The following TAMM41 variants were observed in gnomAD, a reference collection of about 807,000 sequenced individuals.
The protein encoded by TAMM41 is phosphatidate cytidylyltransferase, mitochondrial.
TAMM41 carries 36 observed loss-of-function variants against 44.1 expected under a neutral mutation model. The observed-to-expected ratio is 0.82, with a 90% confidence interval of 0.63 to 1.08. TAMM41 has a LOEUF of 1.08. Among genes scored for constraint, TAMM41 ranks in the 50% least tolerant of loss-of-function variants. The probability of loss-of-function intolerance (pLI) is 0.00; values close to 1 mark genes in which losing one functional copy is unlikely to be tolerated. For missense variants in TAMM41, 417 were observed against 404.3 expected (o/e 1.03, Z -0.27); for synonymous variants, 164 against 153.1 (o/e 1.07, Z -0.53).
intron 1 of TAMM41, among the ~76,000 whole-genome samples, chr3:11,845,742 G>T (rs967799371): frequency 2.0e-5 from 3 of 152,162 alleles, no homozygotes; most frequent in Non-Finnish European, 4.4e-5. Context: ...ACAGACTACA[G>T]TCAGGTATCC....
At chr3:11,815,929 T>C (rs973345500) in intron 5 of TAMM41, among the ~76,000 whole-genome samples, 15 of 152,236 alleles carry the variant, frequency 9.9e-5, no homozygotes, top group African/African-American at 3.4e-4. Context: ...CTTTTTGTTA[T>C]AAACTTGAGG....
the TAMM41 span, among the ~76,000 whole-genome samples, chr3:11,729,718 C>T: frequency 6.6e-6 from 1 of 151,654 alleles, no homozygotes; most frequent in East Asian, 1.9e-4. Context: ...TGCCACCACA[C>T]CCGGCTAATT....
At chr3:11,794,414 A>C (rs2077557840) in intron 7 of TAMM41, among the ~76,000 whole-genome samples, 1 of 152,094 alleles carries the variant, frequency 6.6e-6, no homozygotes, top group Non-Finnish European at 1.5e-5. Context: ...CTAGGATTAC[A>C]GGTGTGAGCC....
At chr3:11,785,903 G>A (rs1679542747), downstream of TAMM41, among the ~76,000 whole-genome samples, 1 of 152,208 alleles carries the variant, frequency 6.6e-6, no homozygotes, top group Non-Finnish European at 1.5e-5. Flanking sequence ...ACAGGTGTTA[G>A]CCACCGTGCC....
At chr3:11,755,035 G>T in the TAMM41 span, among the ~76,000 whole-genome samples, 1 of 151,972 alleles carries the variant, frequency 6.6e-6, no homozygotes, top group South Asian at 2.1e-4. Context: ...CTTCCTTCTA[G>T]GATTCTGAAC....
the TAMM41 span, among the ~76,000 whole-genome samples, chr3:11,779,488 A>C: frequency 6.6e-6 from 1 of 152,274 alleles, no homozygotes; most frequent in South Asian, 2.1e-4. Context: ...CGAGGATCCA[A>C]GTTCAACATG....
chr3:11,767,866 G>A, the TAMM41 span, among the ~76,000 whole-genome samples: 7 of 150,724 alleles, frequency 4.6e-5, no homozygotes, highest in Middle Eastern at 3.2e-3. Context: ...CTCGTGATCC[G>A]CCCGCCTCGG....
At chr3:11,746,643 TAATTA>T in the TAMM41 span, among the ~76,000 whole-genome samples, 1 of 151,440 alleles carries the variant, frequency 6.6e-6, no homozygotes, top group Non-Finnish European at 1.5e-5. Context: ...TATTTATTAT[TAATTA>T]ATTTATTTAT....
chr3:11,743,436 T>C, the TAMM41 span, among the ~76,000 whole-genome samples: 1 of 151,734 alleles, frequency 6.6e-6, no homozygotes, highest in Non-Finnish European at 1.5e-5. Flanking sequence ...AGGGTTCAAA[T>C]GATTCTTGTG....
At chr3:11,766,524 T>TTTTA in the TAMM41 span, among the ~76,000 whole-genome samples, 1 of 151,884 alleles carries the variant, frequency 6.6e-6, no homozygotes, top group African/African-American at 2.4e-5. Flanking sequence ...ATGTTTTTAT[T>TTTTA]TTTATTTATT....
intron 7 of TAMM41, among the ~76,000 whole-genome samples, chr3:11,793,837 C>T (rs1440659052): frequency 1.3e-5 from 2 of 152,136 alleles, no homozygotes; most frequent in Non-Finnish European, 1.5e-5. Flanking sequence ...ATGAGGGGTA[C>T]TGGGGACTGG....
chr3:11,823,035 T>C (rs1267835533), intron 4 of TAMM41, among the ~76,000 whole-genome samples: 1 of 152,164 alleles, frequency 6.6e-6, no homozygotes, highest in African/African-American at 2.4e-5. Context: ...TTCTCAACAC[T>C]TGTTCTTGCC....
intron 7 of TAMM41, among the ~76,000 whole-genome samples, chr3:11,800,699 G>A (rs1223729477): frequency 3.3e-5 from 5 of 152,140 alleles, no homozygotes. Context: ...GAAAGAGATA[G>A]ATAGCAACAC....
At chr3:11,746,832 C>A in the TAMM41 span, among the ~76,000 whole-genome samples, 3 of 147,140 alleles carry the variant, frequency 2.0e-5, no homozygotes, top group African/African-American at 8.1e-5. Context: ...GACAGGGTCT[C>A]AGTATGTTGC....
At chr3:11,787,136 G>A (rs1303811782), downstream of TAMM41, among the ~76,000 whole-genome samples, 3 of 152,174 alleles carry the variant, frequency 2.0e-5, no homozygotes, top group African/African-American at 7.2e-5. Flanking sequence ...TGGCGGCTGG[G>A]TTGCAAGCCA....
chr3:11,828,021 T>C (rs2078829372), intron 4 of TAMM41, among the ~76,000 whole-genome samples: 2 of 152,150 alleles, frequency 1.3e-5, no homozygotes, highest in East Asian at 1.9e-4. Flanking sequence ...TGCAAAGTTA[T>C]AAATAAAAAT....
At chr3:11,814,302 C>T (rs922903912) in intron 5 of TAMM41, among the ~76,000 whole-genome samples, 24 of 151,942 alleles carry the variant, frequency 1.6e-4, no homozygotes, top group African/African-American at 5.8e-4. Flanking sequence ...AGAAAGAAAA[C>T]AGTGTGAGAG....
chr3:11,740,092 CA>C, the TAMM41 span, among the ~76,000 whole-genome samples: 72 of 151,230 alleles, frequency 4.8e-4, no homozygotes, highest in Non-Finnish European at 6.8e-4. Flanking sequence ...CAAAACAAAA[CA>C]AAAAAAACAC....
At chr3:11,830,008 T>C in intron 3 of TAMM41, 144 bp from the exon 4 acceptor site, 1 of 706,968 alleles carries the variant, frequency 1.4e-6, no homozygotes, top group African/African-American at 1.8e-5. Flanking sequence ...AAATTGTTCC[T>C]CTAATAAGTA....
Sources: gnomAD v4.1 joint callset for allele counts (sites outside exome capture counted in the v4.1 genomes callset) on GRCh38, gnomAD v4.1.1 for gene constraint, MANE v1.5 for transcripts, NCBI Gene and HGNC (gene_info 2026-07-23, HGNC 2026-07-21) for gene names.